Variants in CHIA observed in about 807,000 individuals in gnomAD.
CHIA encodes the protein chitinase acidic.
CHIA carries 47 observed loss-of-function variants against 53.5 expected under a neutral mutation model. The observed-to-expected ratio is 0.88, with a 90% CI of 0.70 to 1.12. The LOEUF is 1.12. CHIA is among the 50% of genes most tolerant of loss of function. The probability of loss-of-function intolerance (pLI) is 0.00; values close to 1 mark genes in which losing one functional copy is unlikely to be tolerated. For synonymous variants in CHIA, 268 were observed against 222.2 expected (o/e 1.21, Z -1.83); for missense variants, 652 against 592.2 (o/e 1.10, Z -1.05).
intron 8 of CHIA, 137 bp from the exon 9 acceptor site, chr1:111,318,356 C>A: frequency 1.1e-6 from 1 of 892,454 alleles, no homozygotes; most frequent in African/African-American, 1.7e-5. Context: ...ACAACTTCAC[C>A]AAAATGTTTT....
chr1:111,309,226 G>T (rs941085120), intron 1 of CHIA, among the ~76,000 whole-genome samples: 23 of 152,128 alleles, frequency 1.5e-4, no homozygotes, highest in African/African-American at 5.6e-4. Context: ...GACTTTCTCT[G>T]GTTCTGAGAG....
intron 1 of CHIA, among the ~76,000 whole-genome samples, chr1:111,296,855 A>T (rs1400989463): frequency 6.6e-6 from 1 of 152,238 alleles, no homozygotes; most frequent in Non-Finnish European, 1.5e-5. Flanking sequence ...GCTAACCAGA[A>T]TAAACAGTGT....
At position 111,319,161 on chromosome 1, in the gene CHIA, T is replaced by A; in HGVS notation, c.957T>A (p.Asp319Glu). Residue 319 changes from aspartate (D) to glutamate (E), a missense_variant, in exon 10 of 12, where the codon GAT becomes GAA. Asp to Glu is a conservative substitution (Grantham distance 45). Coordinates refer to ENST00000369740, the MANE Select transcript of CHIA (RefSeq NM_201653.4). Reference sequence around the variant, plus strand: ...AAAATGGAGCCACTCAGGGATGGGATGCCCCTCAGGAAGTGCCTTATGCCT... The same window carrying A: ...AAAATGGAGCCACTCAGGGATGGGAAGCCCCTCAGGAAGTGCCTTATGCCT... ...FLKNGATQGW[D>E]APQEVPYAYQ... 6.2e-7 allele frequency: 1 copy of A among 1,608,994 alleles called. No homozygotes were observed. The highest frequency in any genetic ancestry group is 8.5e-7 in the Non-Finnish European group (1 of 1,179,952).
chr1:111,317,864 G>A, intron 7 of CHIA, 59 bp downstream of exon 7: 1 of 1,611,670 alleles, frequency 6.2e-7, no homozygotes. Context: ...CACTAGACTT[G>A]TCCTTGGTCT....
At chr1:111,311,630 T>C (rs1301336964) in intron 2 of CHIA, 59 bp from the exon 3 acceptor site, 1 of 1,587,742 alleles carries the variant, frequency 6.3e-7, no homozygotes, top group Non-Finnish European at 8.6e-7. Context: ...TCCTTCAGAA[T>C]TAGATTCTAC....
Position 111,317,697 on chromosome 1 carries a change from T to C in CHIA, c.497T>C (p.Phe166Ser). The part of the protein sequence containing the change: ...TVLVQEMREA[F>S]EQEAKQINKP... ...ATTCTGTAGGAAATGCGTGAAGCTT[T>C]TGAGCAGGAGGCCAAGCAGATCAAC... The change falls in exon 7 of 12, where the codon TTT becomes TCT. Residue 166 changes from phenylalanine to serine, a missense_variant. Physicochemically the swap from Phe to Ser is radical, Grantham distance 155 (BLOSUM62 -2). Coordinates refer to ENST00000369740, the MANE Select transcript of CHIA (RefSeq NM_201653.4). 4.3e-6 allele frequency: 7 copies of C among 1,614,186 alleles called. No individual in the cohort carries two copies. The highest frequency in any genetic ancestry group is 5.9e-6 in the Non-Finnish European group (7 of 1,180,018).
intron 1 of CHIA, among the ~76,000 whole-genome samples, chr1:111,306,304 A>G (rs1190961476): frequency 6.6e-6 from 1 of 152,204 alleles, no homozygotes; most frequent in East Asian, 1.9e-4. Flanking sequence ...GTGGGATACC[A>G]TTAGCTATGA....
At chr1:111,294,656 G>T (rs768977753) in intron 1 of CHIA, among the ~76,000 whole-genome samples, 22 of 152,108 alleles carry the variant, frequency 1.4e-4, no homozygotes, top group Non-Finnish European at 2.6e-4. Flanking sequence ...TTTCACCATT[G>T]AGTATGATAT....
Position 111,318,012 on chromosome 1 carries a change from C to T in CHIA, c.632C>T (p.Thr211Ile), listed in dbSNP as rs746988914. 3.1e-6 allele frequency: 5 copies of T among 1,614,168 alleles called. No individual in the cohort carries two copies. Among genetic ancestry groups the T allele is most frequent in the Non-Finnish European group, 3.4e-6 (4 of 1,180,022 alleles). Residue 211 changes from threonine (T) to isoleucine (I), a missense_variant, in exon 8 of 12, where the codon ACC (threonine) becomes ATC (isoleucine). Coordinates refer to ENST00000369740, the MANE Select transcript of CHIA (RefSeq NM_201653.4). Reference protein sequence around the residue: ...SQYLDYIHVMTYDLHGSWEGY... With the variant: ...SQYLDYIHVMIYDLHGSWEGY... ...TACCTGGACTACATCCATGTCATGA[C>T]CTACGACCTCCATGGCTCCTGGGAG...
intron 1 of CHIA, among the ~76,000 whole-genome samples, chr1:111,296,842 A>G (rs1661371408): frequency 6.6e-6 from 1 of 152,238 alleles, no homozygotes; most frequent in South Asian, 2.1e-4. Flanking sequence ...GGTTAGACGA[A>G]TGGCTAACCA....
At chr1:111,318,185 A>C (rs546941634) in intron 8 of CHIA, 76 bp downstream of exon 8, 2 of 1,347,882 alleles carry the variant, frequency 1.5e-6, no homozygotes, top group Admixed American at 4.2e-5. Flanking sequence ...CACAAAAGGC[A>C]TCATAAGTTT....
chr1:111,318,569 A>G lies in CHIA; in HGVS notation c.806A>G (p.His269Arg). The part of the protein sequence containing the change: ...KLIVGFPTYG[H>R]NFILSNPSNT... The stretch of plus-strand genomic sequence containing the variant: ...ATCGTTGGATTCCCTACCTATGGAC[A>G]CAACTTCATCCTGAGCAACCCCTCC... The change falls in exon 9 of 12, where the codon CAC becomes CGC. Residue 269 changes from histidine (H) to arginine (R), a missense_variant. His to Arg is a conservative substitution (Grantham distance 29). Transcript: ENST00000369740. The G allele has an allele frequency of 1.2e-6, 2 of 1,614,188 alleles. No individual in the cohort carries two copies. The highest frequency in any genetic ancestry group is 1.7e-6 in the Non-Finnish European group (2 of 1,180,026).
chr1:111,318,726 C>G, intron 9 of CHIA, 48 bp downstream of exon 9: 1 of 1,555,492 alleles, frequency 6.4e-7, no homozygotes, highest in Non-Finnish European at 8.7e-7. Flanking sequence ...GTGCACTGTG[C>G]CTTAGGGCTA....
At chr1:111,308,965 T>C (rs1648445335) in intron 1 of CHIA, among the ~76,000 whole-genome samples, 1 of 152,216 alleles carries the variant, frequency 6.6e-6, no homozygotes, top group South Asian at 2.1e-4. Flanking sequence ...GTAGTGTTTG[T>C]TGATATGATT....
rs775233223 is a variant in CHIA, at chr1:111,318,624, T to C, written c.861T>C (p.Gly287=). 1.9e-6 allele frequency: 3 copies of C among 1,614,200 alleles called. No homozygotes were observed. In the South Asian group the frequency reaches 3.3e-5, roughly 18 times the overall value. The change falls in exon 9 of 12, where the codon GGT becomes GGC. Residue 287 remains glycine (G), a synonymous_variant. Coordinates refer to ENST00000369740, the MANE Select transcript of CHIA (RefSeq NM_201653.4). ...CTGGAATTGGTGCCCCCACCTCTGG[T>C]GCTGGTCCTGCTGGGCCCTATGCCA... is the stretch of plus-strand genomic sequence containing the variant. ...SNTGIGAPTS[G]AGPAGPYAKE...
intron 1 of CHIA, among the ~76,000 whole-genome samples, chr1:111,301,835 A>C (rs755932383): frequency 1.3e-5 from 2 of 152,038 alleles, no homozygotes; most frequent in Non-Finnish European, 2.9e-5. Flanking sequence ...GTTCTTACTC[A>C]TAGGTGTAAA....
chr1:111,312,275 C>T lies in CHIA; in HGVS notation c.141C>T (p.Asp47=), dbSNP rs750741444. Residue 47 remains aspartate, a synonymous_variant, in exon 4 of 12, where the codon GAC becomes GAT. Coordinates refer to ENST00000369740, the MANE Select transcript of CHIA (RefSeq NM_201653.4). The part of the protein sequence containing the change: ...GLGRFMPDNI[D]PCLCTHLIYA... ...GGCGCTTCATGCCTGACAACATCGA[C>T]CCCTGCCTCTGTACCCACCTGATCT... 6.2e-7 allele frequency: 1 copy of T among 1,613,970 alleles called. No individual in the cohort carries two copies. The highest frequency in any genetic ancestry group is 8.5e-7 in the Non-Finnish European group (1 of 1,179,896).
At chr1:111,316,055 C>G (rs1280165011) in intron 6 of CHIA, 1 of 307,776 alleles carries the variant, frequency 3.2e-6, no homozygotes, top group Non-Finnish European at 6.4e-6. Flanking sequence ...GTAACTAATT[C>G]TGCTCTGGGG....
Position 111,320,236 on chromosome 1 carries a change from AT to A in CHIA, c.1203del (p.Ile401MetfsTer4). The A allele has an allele frequency of 2.5e-6, 4 of 1,613,962 alleles. No individual in the cohort carries two copies. The highest frequency in any genetic ancestry group is 3.4e-6 in the Non-Finnish European group (4 of 1,179,952). On this transcript the variant is annotated frameshift_variant, in exon 12 of 12. Transcript: ENST00000369740. LOFTEE classifies it low-confidence loss of function (END_TRUNC). ...SASCTAPAQP[I>X]EPITAAPSGS... is the part of the protein sequence containing the mutation. The stretch of plus-strand genomic sequence containing the variant: ...AGGTTGCACGGCTCCAGCTCAGCCC[AT>A]TGAGCCAATAACTGCTGCTCCCAGT...
Sources: allele counts gnomAD v4.1 joint callset (sites outside exome capture counted in the v4.1 genomes callset), GRCh38; gene constraint gnomAD v4.1.1; transcripts MANE v1.5; gene names NCBI Gene and HGNC (gene_info 2026-07-23, HGNC 2026-07-21).